The following SLC25A48 variants were observed in gnomAD, a reference collection of about 807,000 sequenced individuals.
SLC25A48 encodes solute carrier family 25 member 48, also known as CTC-321K16.1.
In SLC25A48, 29 loss-of-function variants were observed where a neutral mutation model predicts 32.2. That is an observed-to-expected ratio of 0.90 (90% confidence interval 0.67 to 1.23). The LOEUF is 1.23. Among genes scored for constraint, SLC25A48 ranks in the 50% most tolerant of loss-of-function variants. SLC25A48 has a pLI of 0.00. For synonymous variants in SLC25A48, 164 were observed against 172.3 expected (o/e 0.95, Z 0.38); for missense variants, 399 against 422.7 (o/e 0.94, Z 0.49).
intron 3 of SLC25A48, among the ~76,000 whole-genome samples, chr5:135,808,493 C>A (rs1242379863): frequency 6.6e-6 from 1 of 151,938 alleles, no homozygotes; most frequent in African/African-American, 2.4e-5. Flanking sequence ...AATACTTTAC[C>A]ATAACCATTT....
At chr5:135,737,919 C>T (rs527962929) in intron 3 of SLC25A48, among the ~76,000 whole-genome samples, 3 of 152,306 alleles carry the variant, frequency 2.0e-5, no homozygotes, top group African/African-American at 7.2e-5. Context: ...GGGCTGGCCT[C>T]GGGCACCTTC....
intron 3 of SLC25A48, among the ~76,000 whole-genome samples, chr5:135,717,902 T>C (rs1476900301): frequency 6.6e-6 from 1 of 152,176 alleles, no homozygotes; most frequent in Non-Finnish European, 1.5e-5. Context: ...AAAAGGAACG[T>C]CAGGTAAACG....
chr5:135,664,995 TC>T (rs1265227796), intron 3 of SLC25A48, among the ~76,000 whole-genome samples: 2 of 152,190 alleles, frequency 1.3e-5, no homozygotes, highest in African/African-American at 4.8e-5. Context: ...TTAACCAATC[TC>T]CATACTGTTT....
At position 135,871,677 on chromosome 5, in the gene SLC25A48, G is replaced by A. The variant is rs760773604; in HGVS notation, c.638G>A (p.Gly213Asp). Residue 213 changes from glycine to aspartate, a missense_variant, in exon 5 of 8, where the codon GGC becomes GAC. Gly to Asp is a moderately conservative substitution (Grantham distance 94). Transcript: ENST00000681962. ...TGGATCACACCTGAGGCCTGCACAG[G>A]CCCCAGCCCCTGTGCCGTGTGGCTG... ...SEWITPEACT[G>D]PSPCAVWLAG... is the part of the protein sequence containing the mutation. The A allele has an allele frequency of 6.2e-7, 1 of 1,614,022 alleles. No individual in the cohort carries two copies. Among genetic ancestry groups the A allele is most frequent in the East Asian group, 2.2e-5 (1 of 44,874 alleles).
chr5:135,788,217 C>T (rs1223444312), intron 3 of SLC25A48, among the ~76,000 whole-genome samples: 2 of 151,452 alleles, frequency 1.3e-5, no homozygotes, highest in South Asian at 2.1e-4. Flanking sequence ...AGCACCTCCC[C>T]GCTGTATGGT....
chr5:135,584,291 A>G (rs919580094), intron 1 of SLC25A48, among the ~76,000 whole-genome samples: 5 of 152,240 alleles, frequency 3.3e-5, no homozygotes, highest in African/African-American at 7.2e-5. Context: ...ACATGCAAAG[A>G]TATTTCCGAA....
chr5:135,745,790 G>A (rs905478742), intron 3 of SLC25A48, among the ~76,000 whole-genome samples: 4 of 152,098 alleles, frequency 2.6e-5, no homozygotes, highest in African/African-American at 9.7e-5. Context: ...CCTACGAGGC[G>A]GTCAACACAC....
intron 3 of SLC25A48, among the ~76,000 whole-genome samples, chr5:135,775,255 A>G (rs1756520673): frequency 6.6e-6 from 1 of 151,756 alleles, no homozygotes; most frequent in Non-Finnish European, 1.5e-5. Flanking sequence ...ATTACTCCCA[A>G]TATCGCAGGG....
At chr5:135,815,950 G>C (rs1044271592) in intron 4 of SLC25A48, among the ~76,000 whole-genome samples, 1 of 152,194 alleles carries the variant, frequency 6.6e-6, no homozygotes, top group African/African-American at 2.4e-5. Flanking sequence ...GATACTACCT[G>C]AGACTGGGTA....
chr5:135,722,002 C>T (rs1344024281), intron 3 of SLC25A48, among the ~76,000 whole-genome samples: 1 of 152,258 alleles, frequency 6.6e-6, no homozygotes, highest in Non-Finnish European at 1.5e-5. Flanking sequence ...TCTGCTTCCC[C>T]AAGGCTGTTC....
At chr5:135,881,833 C>T (rs1293202903) in intron 7 of SLC25A48, among the ~76,000 whole-genome samples, 1 of 152,176 alleles carries the variant, frequency 6.6e-6, no homozygotes, top group African/African-American at 2.4e-5. Context: ...AATTGGGATC[C>T]TATTCTACAC....
rs4368722 is a variant in SLC25A48 at position 135,780,329 on chromosome 5, G to A, written c.-520-32194G>A. On this transcript the variant is annotated intron_variant, in intron 3 of 10. Coordinates refer to the SLC25A48 transcript ENST00000646290. ...TCTTGATCTCCTAACCTCGTGATCCGCCCGCCTCGGCCTCCCAAAGTGCTG... is the reference window on the plus strand; with the variant it reads ...TCTTGATCTCCTAACCTCGTGATCCACCCGCCTCGGCCTCCCAAAGTGCTG... Among the ~76,000 whole-genome samples the A allele has an allele frequency of 6.1e-5, 7 of 114,592 alleles. 1 individual carries two copies. In the Admixed American group the frequency reaches 6.3e-4, roughly 10 times the overall value. 75.2% of individuals were successfully genotyped at this position (114,592 alleles called of 152,430 possible). A position where few individuals can be genotyped will look rare whatever the true frequency, so the allele number is the denominator to read the frequency against.
In SLC25A48 at chr5:135,871,498, G is replaced by T; in HGVS notation, c.459G>T (p.Ala153=). 1.2e-6 allele frequency: 2 copies of T among 1,607,092 alleles called. No homozygotes were observed. The highest frequency in any genetic ancestry group is 1.7e-6 in the Non-Finnish European group (2 of 1,174,790). The part of the protein sequence containing the change: ...LGLKSRAVAP[A]EQPAYQGPVH... ...TGAAGTCCAGGGCAGTGGCTCCTGC[G>T]GAGCAGCCAGCATACCAGGGGCCAG... Residue 153 remains alanine (A), a synonymous_variant, in exon 5 of 8, where the codon GCG becomes GCT. Coordinates refer to ENST00000681962, the MANE Select transcript of SLC25A48 (RefSeq NM_001349336.2).
intron 3 of SLC25A48, among the ~76,000 whole-genome samples, chr5:135,697,207 T>C (rs7721912): frequency 0.81 from 123,727 of 152,122 alleles, 50,528 homozygotes; most frequent in Middle Eastern, 0.89. Flanking sequence ...GAGGAAGGAA[T>C]TTTGCTTTTT....
intron 3 of SLC25A48, among the ~76,000 whole-genome samples, chr5:135,656,043 G>A (rs530471771): frequency 2.0e-4 from 30 of 152,304 alleles, no homozygotes; most frequent in African/African-American, 7.0e-4. Context: ...TGGTCCTTGT[G>A]CAGTGCATGG....
chr5:135,679,311 A>C (rs1178458864), intron 3 of SLC25A48, among the ~76,000 whole-genome samples: 1 of 152,164 alleles, frequency 6.6e-6, no homozygotes, highest in East Asian at 1.9e-4. Flanking sequence ...TGGGCCGGGC[A>C]GTCCTCAGGC....
intron 3 of SLC25A48, among the ~76,000 whole-genome samples, chr5:135,773,111 A>G (rs1026902722): frequency 2.6e-5 from 4 of 151,280 alleles, no homozygotes; most frequent in African/African-American, 7.3e-5. Context: ...GGGGGTGTAC[A>G]ATCCCCTGTG....
chr5:135,767,579 G>A (rs1383278289), intron 3 of SLC25A48, among the ~76,000 whole-genome samples: 1 of 151,882 alleles, frequency 6.6e-6, no homozygotes, highest in East Asian at 1.9e-4. Flanking sequence ...GTAATATTTA[G>A]GGGAGGAAGA....
At chr5:135,664,390 T>G (rs1363195951) in intron 3 of SLC25A48, among the ~76,000 whole-genome samples, 1 of 152,174 alleles carries the variant, frequency 6.6e-6, no homozygotes, top group Admixed American at 6.5e-5. Flanking sequence ...GTGGTGAGCA[T>G]GGACCGATCT....
Sources: allele counts gnomAD v4.1 joint callset (sites outside exome capture counted in the v4.1 genomes callset), GRCh38; gene constraint gnomAD v4.1.1; transcripts MANE v1.5; gene names NCBI Gene and HGNC (gene_info 2026-07-23, HGNC 2026-07-21).